The following ADCY1 variants were observed in gnomAD, a reference collection of about 807,000 sequenced individuals.
ADCY1 encodes the protein adenylate cyclase type 1.
A neutral mutation model predicts 105.4 loss-of-function variants in ADCY1; 28 were observed. The ratio of observed to expected loss-of-function variants is 0.27; its 90% CI spans 0.20 to 0.36. The LOEUF (loss-of-function observed/expected upper bound fraction) is 0.36, where lower values mean the gene tolerates loss of function less well. ADCY1 is among the 10% of genes least tolerant of loss of function. ADCY1 has a pLI of 1.00. For missense variants in ADCY1, 977 were observed against 1,434.2 expected (o/e 0.68, Z 5.15); for synonymous variants, 655 against 623.8 (o/e 1.05, Z -0.75).
intron 4 of ADCY1, among the ~76,000 whole-genome samples, chr7:45,629,507 A>G (rs1052397469): frequency 1.4e-5 from 2 of 146,428 alleles, no homozygotes; most frequent in African/African-American, 5.0e-5. Flanking sequence ...ATGTATGCTT[A>G]ACTTTTTTTT....
chr7:45,648,810 T>C lies in ADCY1; in HGVS notation c.1148+13T>C. The C allele has an allele frequency of 1.9e-6, 3 of 1,613,096 alleles. No homozygotes were observed. Among genetic ancestry groups the C allele is most frequent in the Non-Finnish European group, 2.5e-6 (3 of 1,179,280 alleles). ...TTGATACCATCACGTAAGTACCCCG[T>C]GGGGCTGAGAGGAGTGGCCTGGGGC... On this transcript the variant is annotated intron_variant, in intron 5 of 19. Transcript: ENST00000297323.
chr7:45,659,508 A>G (rs1795033418), intron 6 of ADCY1, among the ~76,000 whole-genome samples: 1 of 152,178 alleles, frequency 6.6e-6, no homozygotes, highest in Non-Finnish European at 1.5e-5. Flanking sequence ...CCTCACCAGA[A>G]GATTGGGTTG....
rs1304525403 is a variant in ADCY1 at position 45,686,193 on chromosome 7, C to G, written c.2305C>G (p.Leu769Val). The change falls in exon 13 of 20, where the codon CTC (leucine) becomes GTC (valine). Residue 769 changes from leucine to valine, a missense_variant. This residue lies in a region of ADCY1 where 275 missense variants were observed against 362.1 expected (regional missense o/e 0.76). Transcript: ENST00000297323. The surrounding 1 kb of genome is among the most constrained non-coding windows in gnomAD (Gnocchi z 4.3). ...LTTSYILVLE[L>V]SGYTRTGGGA... The stretch of plus-strand genomic sequence containing the variant: ...CACGTCCTACATCCTCGTTCTGGAG[C>G]TCAGCGGATACACCAGGACTGGGTA... 1 of 1,613,852 alleles carries G rather than the reference C, an allele frequency of 6.2e-7. No individual in the cohort carries two copies. Among genetic ancestry groups the G allele is most frequent in the Non-Finnish European group, 8.5e-7 (1 of 1,179,936 alleles).
At chr7:45,595,556 C>T (rs1793049838) in intron 2 of ADCY1, among the ~76,000 whole-genome samples, 1 of 152,226 alleles carries the variant, frequency 6.6e-6, no homozygotes, top group Non-Finnish European at 1.5e-5. Flanking sequence ...AACCCTCCGT[C>T]CCGTTACATT....
At chr7:45,582,642 A>G (rs1242304965) in intron 1 of ADCY1, among the ~76,000 whole-genome samples, 1 of 152,048 alleles carries the variant, frequency 6.6e-6, no homozygotes. Context: ...TCTCCCTCCC[A>G]GTGTTTCTCC....
intron 17 of ADCY1, 99 bp downstream of exon 17, chr7:45,704,715 C>A: frequency 1.1e-6 from 1 of 942,650 alleles, no homozygotes; most frequent in Non-Finnish European, 1.7e-6. Flanking sequence ...GGTTTGTTTG[C>A]CCTCTGTGTT....
At chr7:45,635,738 G>C (rs905038674) in intron 4 of ADCY1, among the ~76,000 whole-genome samples, 3 of 145,562 alleles carry the variant, frequency 2.1e-5, no homozygotes, top group African/African-American at 7.5e-5. Flanking sequence ...TTTATTATTT[G>C]AAGCCTCTTA....
chr7:45,678,514 T>A (rs1784503335), intron 10 of ADCY1, among the ~76,000 whole-genome samples: 1 of 152,180 alleles, frequency 6.6e-6, no homozygotes, highest in African/African-American at 2.4e-5. Context: ...TTTTAAATTT[T>A]GAATTTACTT....
At chr7:45,638,627 T>G (rs139571119) in intron 4 of ADCY1, among the ~76,000 whole-genome samples, 1 of 152,290 alleles carries the variant, frequency 6.6e-6, no homozygotes, top group Non-Finnish European at 1.5e-5. Context: ...TCATATGTGC[T>G]GGTCTTGTGT....
At chr7:45,589,632 G>T (rs751114725) in intron 1 of ADCY1, among the ~76,000 whole-genome samples, 2 of 152,100 alleles carry the variant, frequency 1.3e-5, no homozygotes, top group Non-Finnish European at 2.9e-5. Flanking sequence ...GATGCATTTG[G>T]TGGTTGAGGA....
chr7:45,708,825 A>G lies in ADCY1; in HGVS notation c.2932+361A>G, dbSNP rs73102664. On this transcript the variant is annotated intron_variant, in intron 18 of 19. Coordinates refer to ENST00000297323, the MANE Select transcript of ADCY1 (RefSeq NM_021116.4). The surrounding 1 kb of genome is among the most constrained non-coding windows in gnomAD (Gnocchi z 4.7). ...GTTGAGGCCACATGGGCTGTCCAGAAGGAGGCCTTGACGGGAGCCCCACTG... is the reference window on the plus strand; with the variant it reads ...GTTGAGGCCACATGGGCTGTCCAGAGGGAGGCCTTGACGGGAGCCCCACTG... 0.016 allele frequency among the ~76,000 whole-genome samples: 2,415 copies of G among 152,332 alleles called. 28 individuals are homozygous for G. Among genetic ancestry groups the G allele is most frequent in the Non-Finnish European group, 0.025 (1,704 of 68,022 alleles).
chr7:45,588,136 A>G (rs1792785408), intron 1 of ADCY1, among the ~76,000 whole-genome samples: 1 of 152,170 alleles, frequency 6.6e-6, no homozygotes, highest in South Asian at 2.1e-4. Context: ...TTTGGGTTAC[A>G]ATTCAATACT....
At position 45,591,650 on chromosome 7, in the gene ADCY1, C is replaced by T. The variant is rs1792920107; in HGVS notation, c.640-1109C>T. 6.6e-6 allele frequency among the ~76,000 whole-genome samples: 1 copy of T among 152,260 alleles called. No individual in the cohort carries two copies. The highest frequency in any genetic ancestry group is 2.4e-5 in the African/African-American group (1 of 41,474). On this transcript the variant is annotated intron_variant, in intron 1 of 19. Transcript: ENST00000297323. The surrounding 1 kb of genome is among the most constrained non-coding windows in gnomAD (Gnocchi z 4.1). ...ATACAATACTTACAAACTGCAGCCC[C>T]TCTTCAGGGCCTCTGGCAGGACATG...
At chr7:45,660,804 G>T (rs1584313271) in intron 7 of ADCY1, among the ~76,000 whole-genome samples, 1 of 149,374 alleles carries the variant, frequency 6.7e-6, no homozygotes, top group Admixed American at 6.6e-5. Context: ...CAGGGCTCAG[G>T]TGAGGGATTC....
chr7:45,710,471 G>A lies in ADCY1; in HGVS notation c.2933-57G>A. On this transcript the variant is annotated intron_variant, in intron 18 of 19. Transcript: ENST00000297323. This position sits in a 1 kb window ranked among gnomAD's most constrained non-coding sequence, Gnocchi z 4.7. ...GCATCAGGTGCATTTGGTGGCCCTG[G>A]TGGGGTGAGTTACACTTTTCCCGCT... The A allele has an allele frequency of 1.3e-6, 2 of 1,586,100 alleles. No homozygotes were observed. The highest frequency in any genetic ancestry group is 2.3e-5 in the South Asian group (2 of 86,574).
chr7:45,610,753 G>A (rs1793523712), intron 3 of ADCY1, among the ~76,000 whole-genome samples: 1 of 132,748 alleles, frequency 7.5e-6, no homozygotes, highest in African/African-American at 2.8e-5. Flanking sequence ...GGTGATGATG[G>A]AGGTGTAGAG....
intron 4 of ADCY1, among the ~76,000 whole-genome samples, chr7:45,635,601 G>GGTTTTTTTTTT (rs1794379951): frequency 1.7e-5 from 1 of 57,204 alleles, no homozygotes; most frequent in African/African-American, 7.0e-5. Context: ...AATTTCTCTT[G>GGTTTTTTTTTT]TTTTTTTTTT....
chr7:45,715,851 G>T lies in ADCY1; in HGVS notation c.*1856G>T, dbSNP rs1051115972. The T allele has an allele frequency of 6.5e-5, 10 of 152,682 alleles. No homozygotes were observed. The highest frequency in any genetic ancestry group is 2.4e-4 in the African/African-American group (10 of 41,464). The allele number at this position is 152,682 out of a possible 1,614,324, so 9.5% of individuals were successfully genotyped here. A position where few individuals can be genotyped will look rare whatever the true frequency, so the allele number is the denominator to read the frequency against. ...GGGCCCCTGTCTGCCTGTCCTTAGG[G>T]TGTGGATTAGGCTCTGGCTTCTGTG... On this transcript the variant is annotated 3_prime_UTR_variant, in exon 20 of 20. Transcript: ENST00000297323.
In ADCY1 at chr7:45,703,565, G is replaced by T; in HGVS notation, c.2572-35G>T. 1.2e-6 allele frequency: 2 copies of T among 1,611,828 alleles called. No individual in the cohort carries two copies. Among genetic ancestry groups the T allele is most frequent in the Non-Finnish European group, 1.7e-6 (2 of 1,178,414 alleles). The stretch of plus-strand genomic sequence containing the variant: ...GGCCACCCCACTTGGCGCTCACCTG[G>T]CTGACCCTTCCTGACCCATCCTTTG... On this transcript the variant is annotated intron_variant, in intron 15 of 19. Coordinates refer to ENST00000297323, the MANE Select transcript of ADCY1 (RefSeq NM_021116.4). The surrounding 1 kb of genome is among the most constrained non-coding windows in gnomAD (Gnocchi z 5.9).
Sources: allele counts gnomAD v4.1 joint callset (sites outside exome capture counted in the v4.1 genomes callset), GRCh38; gene constraint gnomAD v4.1.1; regional missense constraint gnomAD v4.1.1; non-coding constraint Gnocchi (gnomAD v3.1); transcripts MANE v1.5; gene names NCBI Gene and HGNC (gene_info 2026-07-23, HGNC 2026-07-21).